SCAPER: variants seen among roughly 807,000 people sequenced by gnomAD.
SCAPER encodes S phase cyclin A-associated protein in the endoplasmic reticulum.
SCAPER carries 98 observed loss-of-function variants against 182.2 expected under a neutral mutation model. That is an observed-to-expected ratio of 0.54 (90% CI 0.46 to 0.64). SCAPER has a LOEUF of 0.64. Among genes scored for constraint, SCAPER ranks in the 30% least tolerant of loss-of-function variants. SCAPER has a pLI of 0.00. For synonymous variants in SCAPER, 605 were observed against 564.6 expected (o/e 1.07, Z -1.01); for missense variants, 1,432 against 1,690.0 (o/e 0.85, Z 2.68).
At chr15:76,801,118 C>T (rs2065759995) in intron 6 of SCAPER, among the ~76,000 whole-genome samples, 1 of 152,202 alleles carries the variant, frequency 6.6e-6, no homozygotes, top group Non-Finnish European at 1.5e-5. Flanking sequence ...ATTATCATTA[C>T]TAGTGAAACT....
intron 23 of SCAPER, among the ~76,000 whole-genome samples, chr15:76,554,102 G>C (rs990376184): frequency 6.6e-6 from 1 of 152,164 alleles, no homozygotes; most frequent in African/African-American, 2.4e-5. Context: ...CAATACAGGA[G>C]CTAAAAGATG....
chr15:76,484,443 A>C (rs1028019485), intron 24 of SCAPER, among the ~76,000 whole-genome samples: 1 of 152,172 alleles, frequency 6.6e-6, no homozygotes, highest in African/African-American at 2.4e-5. Context: ...TGAACCAGGA[A>C]AAAAATGGAA....
At chr15:76,373,344 G>A (rs1290865721) in intron 29 of SCAPER, among the ~76,000 whole-genome samples, 3 of 151,956 alleles carry the variant, frequency 2.0e-5, no homozygotes. Flanking sequence ...TACTGCGCTG[G>A]CTGCCCTTTT....
At chr15:76,781,209 T>C (rs1425063178) in intron 8 of SCAPER, among the ~76,000 whole-genome samples, 1 of 152,176 alleles carries the variant, frequency 6.6e-6, no homozygotes, top group Non-Finnish European at 1.5e-5. Context: ...CTGATAGAAC[T>C]GAAAACCGTG....
chr15:76,812,772 G>C (rs907228165), intron 5 of SCAPER, among the ~76,000 whole-genome samples: 1 of 151,896 alleles, frequency 6.6e-6, no homozygotes, highest in African/African-American at 2.4e-5. Context: ...AAACATGCCA[G>C]TAACAAAATG....
intron 23 of SCAPER, among the ~76,000 whole-genome samples, chr15:76,548,433 C>T (rs939773222): frequency 3.5e-4 from 53 of 152,148 alleles, no homozygotes; most frequent in Admixed American, 1.7e-3. Flanking sequence ...ATGGAAATAC[C>T]ACTATGAAAA....
intron 21 of SCAPER, among the ~76,000 whole-genome samples, chr15:76,658,115 A>G (rs1363771326): frequency 6.6e-6 from 1 of 152,174 alleles, no homozygotes; most frequent in Non-Finnish European, 1.5e-5. Flanking sequence ...GAAGAGAGGA[A>G]GTCAAACTAT....
intron 26 of SCAPER, among the ~76,000 whole-genome samples, chr15:76,425,272 T>C (rs1210378625): frequency 1.3e-5 from 2 of 152,222 alleles, no homozygotes; most frequent in African/African-American, 4.8e-5. Flanking sequence ...GCAGATTTGG[T>C]CTTTTCACAT....
At chr15:76,727,753 A>G (rs2060677554) in intron 17 of SCAPER, among the ~76,000 whole-genome samples, 1 of 152,082 alleles carries the variant, frequency 6.6e-6, no homozygotes, top group Non-Finnish European at 1.5e-5. Flanking sequence ...AAAACATCAT[A>G]AAGAAAGAAA....
At chr15:76,395,333 T>C (rs1046679240) in intron 27 of SCAPER, among the ~76,000 whole-genome samples, 1 of 152,204 alleles carries the variant, frequency 6.6e-6, no homozygotes, top group Non-Finnish European at 1.5e-5. Flanking sequence ...CTCTTTGATA[T>C]ACTGATTTCC....
intron 27 of SCAPER, among the ~76,000 whole-genome samples, chr15:76,392,091 T>C (rs1357224399): frequency 6.6e-6 from 1 of 152,200 alleles, no homozygotes; most frequent in African/African-American, 2.4e-5. Flanking sequence ...ATATTAAATA[T>C]AAGTTCCTGG....
Position 76,872,747 on chromosome 15 carries a change from C to T in SCAPER, c.7-10214G>A, listed in dbSNP as rs561615558. ...TAGGTTTGCATGCAAATGAAGAACA[C>T]CAAAAACAGTAAAAATATAAATAAA... On this transcript the variant is annotated intron_variant, in intron 2 of 31. Coordinates refer to ENST00000563290, the MANE Select transcript of SCAPER (RefSeq NM_020843.4). 2.2e-3 allele frequency among the ~76,000 whole-genome samples: 332 copies of T among 149,232 alleles called. 1 individual carries two copies. Among genetic ancestry groups the T allele is most frequent in the African/African-American group, 7.9e-3 (319 of 40,404 alleles).
chr15:76,449,713 C>A (rs996661961), intron 25 of SCAPER, among the ~76,000 whole-genome samples: 26 of 152,204 alleles, frequency 1.7e-4, no homozygotes, highest in African/African-American at 6.3e-4. Context: ...TGCACCAGCA[C>A]TTACCAACTT....
chr15:76,570,274 GT>G (rs1034878283), intron 23 of SCAPER, among the ~76,000 whole-genome samples: 4 of 151,654 alleles, frequency 2.6e-5, no homozygotes, highest in East Asian at 1.9e-4. Flanking sequence ...CAAAACATGA[GT>G]TTTTTTTGTC....
intron 21 of SCAPER, among the ~76,000 whole-genome samples, chr15:76,630,648 GCTGTGGT>G (rs1314724184): frequency 6.6e-6 from 1 of 151,986 alleles, no homozygotes; most frequent in Non-Finnish European, 1.5e-5. Flanking sequence ...ATTTGATTGC[GCTGTGGT>G]CTGAGAGACC....
At chr15:76,471,080 T>TTTCTTC in intron 25 of SCAPER, 132 bp downstream of exon 25, 5 of 628,680 alleles carry the variant, frequency 8.0e-6, no homozygotes, top group South Asian at 3.8e-5. Context: ...TCATCTTCAC[T>TTTCTTC]TTCTTCTTCT....
At chr15:76,500,768 T>C (rs949118735) in intron 24 of SCAPER, among the ~76,000 whole-genome samples, 3 of 152,094 alleles carry the variant, frequency 2.0e-5, no homozygotes, top group Non-Finnish European at 4.4e-5. Flanking sequence ...TGTCTGTACT[T>C]GTTTTCTGGA....
intron 25 of SCAPER, among the ~76,000 whole-genome samples, chr15:76,447,406 C>G (rs909781521): frequency 1.3e-5 from 2 of 152,186 alleles, no homozygotes; most frequent in Non-Finnish European, 2.9e-5. Flanking sequence ...GTCATTTGGT[C>G]AGAAGCACAG....
chr15:76,446,522 T>C (rs1346336887), intron 25 of SCAPER, among the ~76,000 whole-genome samples: 3 of 152,204 alleles, frequency 2.0e-5, no homozygotes, highest in Non-Finnish European at 4.4e-5. Context: ...AATACAAGTA[T>C]CTATTATTTT....
Sources: gnomAD v4.1 joint callset for allele counts (sites outside exome capture counted in the v4.1 genomes callset) on GRCh38, gnomAD v4.1.1 for gene constraint, MANE v1.5 for transcripts, NCBI Gene and HGNC (gene_info 2026-07-23, HGNC 2026-07-21) for gene names.